Variants in LITAF observed in about 807,000 individuals in gnomAD.
LITAF encodes the protein lipopolysaccharide induced TNF factor.
Under a neutral mutation model 14.5 loss-of-function variants are expected in LITAF, and 9 were observed. The ratio of observed to expected loss-of-function variants is 0.62; its 90% CI spans 0.37 to 1.08. The LOEUF (loss-of-function observed/expected upper bound fraction) is 1.08, where lower values mean the gene tolerates loss of function less well. LITAF is among the 50% of genes least tolerant of loss of function. The pLI, the probability that LITAF is intolerant of heterozygous loss-of-function variation, is 0.01. For synonymous variants in LITAF, 98 were observed against 88.2 expected (o/e 1.11, Z -0.62); for missense variants, 206 against 213.4 (o/e 0.97, Z 0.22).
intron 1 of LITAF, among the ~76,000 whole-genome samples, chr16:11,592,349 G>A (rs2064852184): frequency 6.6e-6 from 1 of 152,178 alleles, no homozygotes; most frequent in South Asian, 2.1e-4. Flanking sequence ...ACTGAGGCGG[G>A]CGGCTCACCA....
intron 3 of LITAF, among the ~76,000 whole-genome samples, chr16:11,609,288 T>C (rs558966580): frequency 3.8e-4 from 57 of 151,798 alleles, no homozygotes; most frequent in African/African-American, 1.3e-3. Context: ...CTCAGCTCAC[T>C]GCAACCTCCA....
At chr16:11,585,333 T>A (rs1280263399) in intron 1 of LITAF, among the ~76,000 whole-genome samples, 1 of 152,040 alleles carries the variant, frequency 6.6e-6, no homozygotes, top group Non-Finnish European at 1.5e-5. Context: ...CAAATGTGAA[T>A]AAATGCATCA....
At chr16:11,636,113 G>A (rs1023232354) in intron 1 of LITAF, 2 of 152,222 alleles carry the variant, frequency 1.3e-5, no homozygotes, top group African/African-American at 4.8e-5. Context: ...CCCAAGCATG[G>A]AGAAATTTCC....
In LITAF at chr16:11,548,867, C is replaced by A. The variant is rs905626462; in HGVS notation, c.*770G>T. The A allele has an allele frequency of 4.4e-6, 2 of 453,448 alleles. No homozygotes were observed. The highest frequency in any genetic ancestry group is 4.0e-5 in the African/African-American group (2 of 49,846). 28.1% of individuals were successfully genotyped at this position (453,448 alleles called of 1,614,324 possible). On this transcript the variant is annotated 3_prime_UTR_variant, in exon 4 of 4. Transcript: ENST00000622633. The stretch of plus-strand genomic sequence containing the variant: ...AAAGTATTTCAGACCAAAAGGAGGT[C>A]ATAAAAACTGTTCATATAATTACTC...
At chr16:11,627,332 A>C (rs372858679) in intron 3 of LITAF, among the ~76,000 whole-genome samples, 1 of 152,208 alleles carries the variant, frequency 6.6e-6, no homozygotes, top group Non-Finnish European at 1.5e-5. Context: ...GAGCAAGCCC[A>C]CTGGAGAATG....
chr16:11,597,428 T>C (rs1434577157), intron 1 of LITAF, among the ~76,000 whole-genome samples: 5 of 152,108 alleles, frequency 3.3e-5, no homozygotes, highest in East Asian at 1.9e-4. Flanking sequence ...CACAGTCACA[T>C]AGGCCACCAG....
intron 3 of LITAF, among the ~76,000 whole-genome samples, chr16:11,630,316 G>T (rs8059652): frequency 0.3 from 45,639 of 152,076 alleles, 8,794 homozygotes; most frequent in African/African-American, 0.55. Flanking sequence ...TTGGCAGGAG[G>T]TGCCCGCAGT....
chr16:11,621,274 G>A (rs1435163186), intron 3 of LITAF, among the ~76,000 whole-genome samples: 1 of 152,168 alleles, frequency 6.6e-6, no homozygotes, highest in African/African-American at 2.4e-5. Context: ...ATGTTGGTCA[G>A]GCTGGTCTCG....
At chr16:11,594,501 T>C (rs2064869618) in intron 1 of LITAF, among the ~76,000 whole-genome samples, 1 of 152,012 alleles carries the variant, frequency 6.6e-6, no homozygotes, top group African/African-American at 2.4e-5. Flanking sequence ...CCTAAAAGAA[T>C]GCAGACTATG....
intron 2 of LITAF, among the ~76,000 whole-genome samples, chr16:11,635,019 G>A (rs1375619274): frequency 6.6e-6 from 1 of 151,256 alleles, no homozygotes; most frequent in Non-Finnish European, 1.5e-5. Context: ...GGGCATCACA[G>A]TGAGACTCCA....
At chr16:11,622,058 C>T (rs916047882) in intron 3 of LITAF, among the ~76,000 whole-genome samples, 4 of 152,226 alleles carry the variant, frequency 2.6e-5, no homozygotes, top group South Asian at 2.1e-4. Context: ...CCCGCTCCAG[C>T]CCTTGGCCTT....
rs760039623 is a variant in LITAF, at chr16:11,606,032, AT to A, written c.85+27500del. Among the ~76,000 whole-genome samples the A allele has an allele frequency of 6.6e-5, 10 of 152,116 alleles. 1 individual carries two copies. Among genetic ancestry groups the A allele is most frequent in the Non-Finnish European group, 1.5e-4 (10 of 68,022 alleles). ...TGAGGGATCCTTTTTCGTTAAACTTATTGTGGGCTATTGCTATCAGACACAG... is the reference window on the plus strand; with the variant it reads ...TGAGGGATCCTTTTTCGTTAAACTTATGTGGGCTATTGCTATCAGACACAG... On this transcript the variant is annotated intron_variant, in intron 3 of 3. Coordinates refer to the LITAF transcript ENST00000574848.
chr16:11,565,335 A>G (rs1447928462), intron 1 of LITAF, among the ~76,000 whole-genome samples: 2 of 151,652 alleles, frequency 1.3e-5, no homozygotes, highest in Non-Finnish European at 1.5e-5. Flanking sequence ...CACCTGCCTC[A>G]GCCGCCCAAA....
intron 3 of LITAF, among the ~76,000 whole-genome samples, chr16:11,629,861 T>C (rs1219600875): frequency 1.3e-5 from 2 of 152,184 alleles, no homozygotes; most frequent in African/African-American, 2.4e-5. Context: ...GTAGGCGCTC[T>C]TCCCCCCACA....
intron 3 of LITAF, among the ~76,000 whole-genome samples, chr16:11,616,240 G>A (rs1441872200): frequency 1.3e-5 from 2 of 152,140 alleles, no homozygotes; most frequent in Non-Finnish European, 2.9e-5. Flanking sequence ...TTGGGAGGCT[G>A]AAGCAGGCAG....
chr16:11,612,243 G>T (rs1381230251), intron 3 of LITAF, among the ~76,000 whole-genome samples: 2 of 152,128 alleles, frequency 1.3e-5, no homozygotes, highest in Non-Finnish European at 2.9e-5. Flanking sequence ...CTAAAACGGG[G>T]GTCTCTCCAG....
intron 1 of LITAF, among the ~76,000 whole-genome samples, chr16:11,580,860 G>A (rs939594124): frequency 6.6e-5 from 10 of 152,210 alleles, no homozygotes; most frequent in South Asian, 6.2e-4. Flanking sequence ...GACCTCCCAG[G>A]CTCAAGCGAT....
At chr16:11,564,824 G>A (rs540950880) in intron 1 of LITAF, among the ~76,000 whole-genome samples, 1 of 152,202 alleles carries the variant, frequency 6.6e-6, no homozygotes, top group East Asian at 1.9e-4. Flanking sequence ...CCACTGAGAT[G>A]AAATGCCCAG....
chr16:11,585,159 A>G lies in LITAF; in HGVS notation c.-6+1727T>C, dbSNP rs1255370212. Among the ~76,000 whole-genome samples the G allele has an allele frequency of 3.4e-5, 5 of 144,990 alleles. No individual in the cohort carries two copies. The East Asian group carries it at 8.5e-4, about 25-fold the overall frequency. On this transcript the variant is annotated intron_variant, in intron 1 of 3. Transcript: ENST00000622633. Reference sequence around the variant, plus strand: ...GGCAGGGGGTTGAGGTGGGGTGGGGAGGGTTAGAGGTTGCAGTGAGCCGAG... The same window carrying G: ...GGCAGGGGGTTGAGGTGGGGTGGGGGGGGTTAGAGGTTGCAGTGAGCCGAG...
Sources: allele counts gnomAD v4.1 joint callset (sites outside exome capture counted in the v4.1 genomes callset), GRCh38; gene constraint gnomAD v4.1.1; transcripts MANE v1.5; gene names NCBI Gene and HGNC (gene_info 2026-07-23, HGNC 2026-07-21).